The following TMEM200A variants were observed in gnomAD, a reference collection of about 807,000 sequenced individuals.
TMEM200A encodes transmembrane protein 200A.
Under a neutral mutation model 24.3 loss-of-function variants are expected in TMEM200A, and 12 were observed. The ratio of observed to expected loss-of-function variants is 0.49; its 90% CI spans 0.32 to 0.80. TMEM200A has a LOEUF of 0.80. TMEM200A is among the 30% of genes least tolerant of loss of function. The pLI is 0.04. For synonymous variants in TMEM200A, 224 were observed against 224.4 expected (o/e 1.00, Z 0.02); for missense variants, 545 against 614.4 (o/e 0.89, Z 1.19).
chr6:130,371,098 C>T (rs1410861088), intron 1 of TMEM200A, among the ~76,000 whole-genome samples: 2 of 152,110 alleles, frequency 1.3e-5, no homozygotes, highest in Non-Finnish European at 2.9e-5. Context: ...GATGAAGGAG[C>T]ATCTTTGTTG....
chr6:130,389,425 C>T (rs942002941), intron 2 of TMEM200A, among the ~76,000 whole-genome samples: 4 of 151,376 alleles, frequency 2.6e-5, no homozygotes, highest in South Asian at 4.2e-4. Flanking sequence ...CTATATCCTA[C>T]GTAAAGAACA....
intron 2 of TMEM200A, among the ~76,000 whole-genome samples, chr6:130,391,578 A>G (rs1167722057): frequency 6.6e-6 from 1 of 152,040 alleles, no homozygotes; most frequent in Non-Finnish European, 1.5e-5. Context: ...AATATCCCCA[A>G]ATATATTATC....
At chr6:130,432,094 A>AT (rs1442570128) in intron 2 of TMEM200A, among the ~76,000 whole-genome samples, 4 of 151,932 alleles carry the variant, frequency 2.6e-5, no homozygotes, top group African/African-American at 9.7e-5. Flanking sequence ...CAGAATTAAC[A>AT]TTTTGCAGAT....
chr6:130,419,111 G>C (rs1779521902), intron 2 of TMEM200A, among the ~76,000 whole-genome samples: 1 of 152,032 alleles, frequency 6.6e-6, no homozygotes, highest in African/African-American at 2.4e-5. Flanking sequence ...CACCATCCTA[G>C]TCTCTACCTC....
At chr6:130,406,561 T>C (rs576930279) in intron 2 of TMEM200A, among the ~76,000 whole-genome samples, 21 of 152,208 alleles carry the variant, frequency 1.4e-4, no homozygotes, top group Non-Finnish European at 2.8e-4. Context: ...TGTTAATACA[T>C]GTGACAGTAG....
chr6:130,434,463 C>T (rs1779952825), intron 2 of TMEM200A, among the ~76,000 whole-genome samples: 1 of 152,092 alleles, frequency 6.6e-6, no homozygotes, highest in African/African-American at 2.4e-5. Flanking sequence ...TGAACCATGT[C>T]TAATGTATTA....
At position 130,366,760 on chromosome 6, in the gene TMEM200A, G is replaced by A. The variant is rs1778167567; in HGVS notation, c.-81+236G>A. On this transcript the variant is annotated intron_variant, in intron 1 of 2. Coordinates refer to ENST00000296978, the MANE Select transcript of TMEM200A (RefSeq NM_001258277.2). The surrounding 1 kb of genome is among the most constrained non-coding windows in gnomAD (Gnocchi z 4.4). ...CGTGCGGGGCAGCCTCCAAGAACCC[G>A]GAGTACTGGAGCGCCTGGCTGGGTT... Among the ~76,000 whole-genome samples the A allele has an allele frequency of 6.6e-6, 1 of 152,208 alleles. No individual in the cohort carries two copies. The highest frequency in any genetic ancestry group is 2.4e-5 in the African/African-American group (1 of 41,450).
intron 2 of TMEM200A, among the ~76,000 whole-genome samples, chr6:130,432,276 A>T (rs1474694471): frequency 6.6e-6 from 1 of 152,244 alleles, no homozygotes; most frequent in East Asian, 1.9e-4. Context: ...TCACGAAGTT[A>T]ACTAAAAACA....
At chr6:130,403,134 T>G (rs572409062) in intron 2 of TMEM200A, among the ~76,000 whole-genome samples, 46 of 152,230 alleles carry the variant, frequency 3.0e-4, no homozygotes, top group African/African-American at 1.1e-3. Flanking sequence ...GAAAAGCATT[T>G]GGATAGTAGA....
At chr6:130,421,272 A>G (rs1779578081) in intron 2 of TMEM200A, 1 of 152,032 alleles carries the variant, frequency 6.6e-6, no homozygotes. Flanking sequence ...CGAGGATTGT[A>G]TTTTGGGCAG....
chr6:130,408,038 G>T (rs1021839391), intron 2 of TMEM200A, among the ~76,000 whole-genome samples: 45 of 152,282 alleles, frequency 3.0e-4, no homozygotes, highest in Non-Finnish European at 2.4e-4. Flanking sequence ...GGCATGCAAA[G>T]GTTGGTAAAG....
intron 2 of TMEM200A, among the ~76,000 whole-genome samples, chr6:130,385,944 T>A (rs2115098751): frequency 6.6e-6 from 1 of 152,322 alleles, no homozygotes; most frequent in Non-Finnish European, 1.5e-5. Context: ...TCTGAAATAA[T>A]GTTGATATCC....
chr6:130,409,422 G>A (rs1442026946), intron 2 of TMEM200A, among the ~76,000 whole-genome samples: 2 of 151,948 alleles, frequency 1.3e-5, no homozygotes, highest in Admixed American at 6.6e-5. Context: ...TGGACCTCTG[G>A]GCCATGCCAG....
chr6:130,436,458 G>A (rs1189211100), intron 2 of TMEM200A, among the ~76,000 whole-genome samples: 4 of 148,248 alleles, frequency 2.7e-5, no homozygotes, highest in Admixed American at 6.7e-5. Context: ...GTGTAGGATG[G>A]AGGGCATGTA....
At chr6:130,437,667 C>T (rs1780054249) in intron 2 of TMEM200A, 3 of 152,140 alleles carry the variant, frequency 2.0e-5, no homozygotes, top group Admixed American at 1.3e-4. Context: ...CTCAACTACT[C>T]TGGAAGTTTT....
chr6:130,395,870 C>G (rs903554218), intron 2 of TMEM200A, among the ~76,000 whole-genome samples: 6 of 152,150 alleles, frequency 3.9e-5, no homozygotes, highest in Admixed American at 2.0e-4. Context: ...GTAAGACAAT[C>G]ATTTTGTGAT....
At chr6:130,393,066 A>G (rs906702086) in intron 2 of TMEM200A, among the ~76,000 whole-genome samples, 5 of 152,346 alleles carry the variant, frequency 3.3e-5, no homozygotes, top group Admixed American at 3.3e-4. Context: ...TTAAGAATTC[A>G]TTGATGGAAT....
At chr6:130,429,187 A>C (rs1271650275) in intron 2 of TMEM200A, among the ~76,000 whole-genome samples, 1 of 152,224 alleles carries the variant, frequency 6.6e-6, no homozygotes, top group Non-Finnish European at 1.5e-5. Flanking sequence ...GTTCATGTGC[A>C]ACATAAAATG....
chr6:130,439,919 G>A (rs1780111836), intron 2 of TMEM200A, among the ~76,000 whole-genome samples: 1 of 152,092 alleles, frequency 6.6e-6, no homozygotes, highest in Non-Finnish European at 1.5e-5. Context: ...TTGCTGGAAT[G>A]TATCCTCTTT....
Sources: allele counts gnomAD v4.1 joint callset (sites outside exome capture counted in the v4.1 genomes callset), GRCh38; gene constraint gnomAD v4.1.1; non-coding constraint Gnocchi (gnomAD v3.1); transcripts MANE v1.5; gene names NCBI Gene and HGNC (gene_info 2026-07-23, HGNC 2026-07-21).